The following THSD7B variants were observed in gnomAD, a reference collection of about 807,000 sequenced individuals.
The protein encoded by THSD7B is thrombospondin type 1 domain containing 7B.
A neutral mutation model predicts 213.6 loss-of-function variants in THSD7B; 138 were observed. The ratio of observed to expected loss-of-function variants is 0.65; its 90% CI spans 0.56 to 0.74. THSD7B has a LOEUF of 0.74. Among genes scored for constraint, THSD7B ranks in the 30% least tolerant of loss-of-function variants. The pLI, the probability that THSD7B is intolerant of heterozygous loss-of-function variation, is 0.00. For synonymous variants in THSD7B, 742 were observed against 687.0 expected (o/e 1.08, Z -1.25); for missense variants, 1,931 against 1,991.5 (o/e 0.97, Z 0.58).
At chr2:136,886,651 A>G (rs1441163282) in intron 2 of THSD7B, among the ~76,000 whole-genome samples, 1 of 152,208 alleles carries the variant, frequency 6.6e-6, no homozygotes, top group Non-Finnish European at 1.5e-5. Flanking sequence ...AGGCCCAAAG[A>G]ATCTCAACAG....
chr2:136,860,455 C>A (rs1477894986), intron 1 of THSD7B, among the ~76,000 whole-genome samples: 1 of 152,176 alleles, frequency 6.6e-6, no homozygotes, highest in African/African-American at 2.4e-5. Context: ...GTCTCAGTAT[C>A]CAGAACTGAA....
intron 2 of THSD7B, among the ~76,000 whole-genome samples, chr2:136,962,468 C>T (rs1264321394): frequency 8.4e-6 from 1 of 119,694 alleles, no homozygotes; most frequent in African/African-American, 3.2e-5. Context: ...TGGGAGAAGA[C>T]ATTGCATGGG....
chr2:136,879,819 G>C (rs1024363216), intron 1 of THSD7B, among the ~76,000 whole-genome samples: 45 of 152,196 alleles, frequency 3.0e-4, no homozygotes, highest in African/African-American at 1.1e-3. Flanking sequence ...TGCAATCCTA[G>C]TCTCTGATAA....
In THSD7B at chr2:137,089,936, G is replaced by A. The variant is rs572076051; in HGVS notation, c.951-4937G>A. Among the ~76,000 whole-genome samples the A allele has an allele frequency of 5.3e-5, 8 of 152,070 alleles. No homozygotes were observed. In the South Asian group the frequency reaches 1.5e-3, roughly 28 times the overall value. On this transcript the variant is annotated intron_variant, in intron 3 of 27. Coordinates refer to ENST00000409968, the MANE Select transcript of THSD7B (RefSeq NM_001316349.2). ...ACACGAGAATTCCTTAAACCCGGGA[G>A]GCAGAGGTTACAGTGAGCCAAGATT...
chr2:137,583,691 G>T (rs564420116), intron 17 of THSD7B, among the ~76,000 whole-genome samples: 129 of 152,190 alleles, frequency 8.5e-4, no homozygotes, highest in Non-Finnish European at 1.4e-3. Context: ...CTGTTCCATT[G>T]GTCTATATCT....
intron 15 of THSD7B, among the ~76,000 whole-genome samples, chr2:137,537,989 T>C (rs148538237): frequency 2.6e-5 from 4 of 151,726 alleles, no homozygotes; most frequent in East Asian, 2.0e-4. Flanking sequence ...GAAAGATACA[T>C]GGTTGAAGAA....
intron 7 of THSD7B, among the ~76,000 whole-genome samples, chr2:137,212,840 AGGG>A (rs1681147890): frequency 6.6e-6 from 1 of 152,034 alleles, no homozygotes; most frequent in South Asian, 2.1e-4. Flanking sequence ...TATAAAGAGA[AGGG>A]TAAGGAACAA....
chr2:136,837,457 T>C (rs1223209402), intron 1 of THSD7B, among the ~76,000 whole-genome samples: 3 of 152,216 alleles, frequency 2.0e-5, no homozygotes, highest in Non-Finnish European at 4.4e-5. Context: ...CACAAATCTG[T>C]GCTCTTCCTC....
chr2:136,906,791 T>C (rs1015236262), intron 2 of THSD7B, among the ~76,000 whole-genome samples: 3 of 151,962 alleles, frequency 2.0e-5, no homozygotes, highest in Admixed American at 2.0e-4. Flanking sequence ...CTCAAGTAGT[T>C]ATGGCAATAT....
At chr2:137,261,656 A>G (rs1175493364) in intron 10 of THSD7B, among the ~76,000 whole-genome samples, 1 of 152,178 alleles carries the variant, frequency 6.6e-6, no homozygotes, top group Non-Finnish European at 1.5e-5. Flanking sequence ...ACAAGCATTA[A>G]CATGTACCTT....
chr2:136,777,628 C>A (rs1314817748), intron 1 of THSD7B, among the ~76,000 whole-genome samples: 1 of 152,086 alleles, frequency 6.6e-6, no homozygotes, highest in African/African-American at 2.4e-5. Flanking sequence ...TTGATTCTCT[C>A]TTTTAAAGCT....
intron 1 of THSD7B, among the ~76,000 whole-genome samples, chr2:136,815,545 T>C (rs572438071): frequency 1.3e-5 from 2 of 152,206 alleles, no homozygotes; most frequent in Non-Finnish European, 2.9e-5. Flanking sequence ...TCCCCCTTGA[T>C]AGGTATTCAT....
At chr2:136,825,408 T>C (rs1682629466) in intron 1 of THSD7B, among the ~76,000 whole-genome samples, 1 of 152,162 alleles carries the variant, frequency 6.6e-6, no homozygotes, top group Admixed American at 6.6e-5. Flanking sequence ...CTGTACTGAT[T>C]ACCCTTTTCA....
intron 15 of THSD7B, among the ~76,000 whole-genome samples, chr2:137,531,375 G>T (rs913145238): frequency 2.0e-5 from 3 of 151,878 alleles, no homozygotes; most frequent in African/African-American, 7.3e-5. Context: ...GCAAAGTAAG[G>T]ATATGATTCG....
At chr2:137,568,734 A>G (rs1681291616) in intron 16 of THSD7B, among the ~76,000 whole-genome samples, 1 of 152,170 alleles carries the variant, frequency 6.6e-6, no homozygotes, top group South Asian at 2.1e-4. Flanking sequence ...CGAGAACAGC[A>G]TGGGGGAAAT....
intron 12 of THSD7B, among the ~76,000 whole-genome samples, chr2:137,308,657 T>C (rs1683814749): frequency 6.6e-6 from 1 of 152,100 alleles, no homozygotes; most frequent in African/African-American, 2.4e-5. Flanking sequence ...AAGAATATTA[T>C]ATGTTTTTGA....
chr2:137,564,622 T>C (rs531665466), intron 16 of THSD7B, among the ~76,000 whole-genome samples: 1 of 152,278 alleles, frequency 6.6e-6, no homozygotes, highest in East Asian at 1.9e-4. Flanking sequence ...CTGTGGCATC[T>C]CCTACTTGTA....
intron 7 of THSD7B, among the ~76,000 whole-genome samples, chr2:137,225,897 C>A (rs1406132689): frequency 6.6e-6 from 1 of 151,756 alleles, no homozygotes; most frequent in Non-Finnish European, 1.5e-5. Context: ...TTCTGTTTTG[C>A]CCTTAGCTTT....
At chr2:137,037,180 C>T (rs1013954338) in intron 2 of THSD7B, among the ~76,000 whole-genome samples, 3 of 152,044 alleles carry the variant, frequency 2.0e-5, no homozygotes, top group African/African-American at 7.2e-5. Flanking sequence ...CTATTTCTGG[C>T]ATTTCTGATA....
Sources: gnomAD v4.1 joint callset for allele counts (sites outside exome capture counted in the v4.1 genomes callset) on GRCh38, gnomAD v4.1.1 for gene constraint, MANE v1.5 for transcripts, NCBI Gene and HGNC (gene_info 2026-07-23, HGNC 2026-07-21) for gene names.